The following P2RY14 variants were observed in gnomAD, a reference collection of about 807,000 sequenced individuals.
P2RY14 encodes purinergic receptor P2Y14.
P2RY14 carries 2 observed loss-of-function variants against 0.9 expected under a neutral mutation model. The ratio of observed to expected loss-of-function variants is 2.16; its 90% CI spans 0.88 to 6.79. The LOEUF (loss-of-function observed/expected upper bound fraction) is 6.79, where lower values mean the gene tolerates loss of function less well. Ranked by LOEUF, P2RY14 falls within the 30% of genes most tolerant of loss-of-function variation. The probability of loss-of-function intolerance (pLI) is 0.05; values close to 1 mark genes in which losing one functional copy is unlikely to be tolerated. For synonymous variants in P2RY14, 158 were observed against 147.2 expected (o/e 1.07, Z -0.53); for missense variants, 378 against 400.1 (o/e 0.94, Z 0.47).
intron 1 of P2RY14, among the ~76,000 whole-genome samples, chr3:151,247,737 T>A (rs1735929203): frequency 6.9e-6 from 1 of 144,478 alleles, no homozygotes; most frequent in Admixed American, 7.1e-5. Flanking sequence ...AATGTGCACA[T>A]GTACCCTAAA....
chr3:151,274,682 A>C (rs1457835502), intron 1 of P2RY14, among the ~76,000 whole-genome samples: 1 of 152,226 alleles, frequency 6.6e-6, no homozygotes, highest in African/African-American at 2.4e-5. Context: ...ATCGTCTCCA[A>C]ATCCCCATTA....
chr3:151,248,269 T>G (rs977589745), intron 1 of P2RY14, among the ~76,000 whole-genome samples: 2 of 152,156 alleles, frequency 1.3e-5, no homozygotes, highest in African/African-American at 4.8e-5. Flanking sequence ...TTAATTCCTA[T>G]TTCTTTCCTT....
In P2RY14 at chr3:151,213,756, T is replaced by A. The variant is rs200238332; in HGVS notation, c.561A>T (p.Ser187=). ...AGAAGATGGCCACGAAGATGTAGTT[T>A]GATGCTTTGTGCCACTTCCGTCCCA... The part of the protein sequence containing the change: ...SELGRKWHKA[S]NYIFVAIFWI... Residue 187 remains serine, a synonymous_variant, in exon 3 of 3, where the codon TCA becomes TCT. Transcript: ENST00000309170. The A allele has an allele frequency of 4.3e-6, 7 of 1,614,190 alleles. No individual in the cohort carries two copies. Among genetic ancestry groups the A allele is most frequent in the Non-Finnish European group, 5.9e-6 (7 of 1,180,010 alleles).
At chr3:151,221,369 G>T (rs1729315003) in intron 1 of P2RY14, among the ~76,000 whole-genome samples, 2 of 152,242 alleles carry the variant, frequency 1.3e-5, no homozygotes. Context: ...GCAACAAAGA[G>T]CTGAATGTTA....
intron 1 of P2RY14, among the ~76,000 whole-genome samples, chr3:151,246,164 AGAATAAATAT>A: frequency 6.6e-6 from 1 of 152,258 alleles, no homozygotes; most frequent in African/African-American, 2.4e-5. Flanking sequence ...ATGGGTAGGA[AGAATAAATAT>A]CGTGAAAATG....
At chr3:151,246,858 C>T (rs991097696) in intron 1 of P2RY14, among the ~76,000 whole-genome samples, 10 of 152,174 alleles carry the variant, frequency 6.6e-5, no homozygotes, top group South Asian at 2.1e-4. Flanking sequence ...AGAAACTTTT[C>T]GCAACCTACT....
intron 2 of P2RY14, among the ~76,000 whole-genome samples, chr3:151,218,416 G>T (rs1234741181): frequency 1.3e-5 from 2 of 152,170 alleles, no homozygotes; most frequent in Non-Finnish European, 2.9e-5. Flanking sequence ...TGTTTGTGGA[G>T]CCCTGCTCAT....
intron 1 of P2RY14, among the ~76,000 whole-genome samples, chr3:151,222,668 A>G (rs1424320127): frequency 6.6e-6 from 1 of 152,222 alleles, no homozygotes; most frequent in Admixed American, 6.5e-5. Context: ...TTTCTTTTGT[A>G]AATTGCCCAT....
intron 1 of P2RY14, among the ~76,000 whole-genome samples, chr3:151,247,962 CTTTTTTTTTTTTTT>C (rs61102632): frequency 6.6e-5 from 5 of 75,904 alleles, no homozygotes; most frequent in Non-Finnish European, 9.8e-5. Flanking sequence ...TCTTCTTCTT[CTTTTTTTTTTTTTT>C]TTTTTTTTTG....
At chr3:151,243,139 C>A (rs1195881488) in intron 1 of P2RY14, among the ~76,000 whole-genome samples, 10 of 152,030 alleles carry the variant, frequency 6.6e-5, no homozygotes, top group African/African-American at 2.2e-4. Flanking sequence ...TCTATGTCTG[C>A]TTGGTGTACC....
At chr3:151,268,129 C>T (rs1210820899) in intron 1 of P2RY14, among the ~76,000 whole-genome samples, 1 of 152,064 alleles carries the variant, frequency 6.6e-6, no homozygotes, top group Non-Finnish European at 1.5e-5. Flanking sequence ...TTTCAGCTTA[C>T]ATGTTTTCAA....
At chr3:151,224,837 A>C (rs1056026696) in intron 1 of P2RY14, among the ~76,000 whole-genome samples, 2 of 152,014 alleles carry the variant, frequency 1.3e-5, no homozygotes, top group Non-Finnish European at 2.9e-5. Flanking sequence ...CCTTATTGAA[A>C]TCTGCTGTTT....
At chr3:151,228,274 T>C (rs532500311) in intron 1 of P2RY14, among the ~76,000 whole-genome samples, 7 of 150,800 alleles carry the variant, frequency 4.6e-5, no homozygotes, top group African/African-American at 1.7e-4. Flanking sequence ...TGCCTTTGTG[T>C]ATCAGTTTTT....
rs543916088 is a variant in P2RY14, at chr3:151,213,666, G to T, written c.651C>A (p.His217Gln). ...TAITKKIFKS[H>Q]LKSSRNSTSV... ...AAGTGGAATTCCGACTTGACTTAAG[G>T]TGGGACTTAAAGATTTTCTTTGTGA... is the stretch of plus-strand genomic sequence containing the variant. The change falls in exon 3 of 3, where the codon CAC becomes CAA. Residue 217 changes from histidine to glutamine, a missense_variant. His to Gln is a conservative substitution (Grantham distance 24). Transcript: ENST00000309170. 1 of 1,614,158 alleles carries T rather than the reference G, an allele frequency of 6.2e-7. No homozygotes were observed. The highest frequency in any genetic ancestry group is 1.1e-5 in the South Asian group (1 of 91,084).
At chr3:151,218,055 A>G (rs1026040100) in intron 2 of P2RY14, among the ~76,000 whole-genome samples, 2 of 152,246 alleles carry the variant, frequency 1.3e-5, no homozygotes, top group Non-Finnish European at 2.9e-5. Flanking sequence ...TCCTCTCCTT[A>G]TCTTTAGTAC....
At chr3:151,226,005 T>C (rs906950440) in intron 1 of P2RY14, among the ~76,000 whole-genome samples, 3 of 152,178 alleles carry the variant, frequency 2.0e-5, no homozygotes, top group African/African-American at 7.2e-5. Flanking sequence ...ATTTGCTCAC[T>C]ATAAAGCCGT....
chr3:151,247,962 CTTTTTTTTTTTTT>C (rs61102632), intron 1 of P2RY14, among the ~76,000 whole-genome samples: 3 of 75,902 alleles, frequency 4.0e-5, no homozygotes, highest in African/African-American at 5.3e-5. Flanking sequence ...TCTTCTTCTT[CTTTTTTTTTTTTT>C]TTTTTTTTTT....
Position 151,214,260 on chromosome 3 carries a change from C to T in P2RY14, c.57G>A (p.Leu19=). Reference sequence around the variant, plus strand: ...GCACAGGAATGATCTGCTGAGTGATCAGGAGGTTCTGAGAGCAGGATTCAT... The same window carrying T: ...GCACAGGAATGATCTGCTGAGTGATTAGGAGGTTCTGAGAGCAGGATTCAT... The part of the protein sequence containing the change: ...PPDESCSQNL[L]ITQQIIPVLY... Residue 19 remains leucine, a synonymous_variant, in exon 3 of 3, where the codon CTG becomes CTA. Coordinates refer to ENST00000309170, the MANE Select transcript of P2RY14 (RefSeq NM_014879.4). 2 of 1,613,990 alleles carry T rather than the reference C, an allele frequency of 1.2e-6. No individual in the cohort carries two copies. The highest frequency in any genetic ancestry group is 1.7e-6 in the Non-Finnish European group (2 of 1,179,920).
chr3:151,214,521 T>C (rs1278428029), intron 2 of P2RY14, among the ~76,000 whole-genome samples, 181 bp from the exon 3 acceptor site: 1 of 152,136 alleles, frequency 6.6e-6, no homozygotes, highest in East Asian at 1.9e-4. Flanking sequence ...TTCTTTCTTT[T>C]GGTCTTCCTT....
Sources: allele counts gnomAD v4.1 joint callset (sites outside exome capture counted in the v4.1 genomes callset), GRCh38; gene constraint gnomAD v4.1.1; transcripts MANE v1.5; gene names NCBI Gene and HGNC (gene_info 2026-07-23, HGNC 2026-07-21).